Variants in DHX16 observed in about 807,000 individuals in gnomAD.
DHX16 encodes pre-mRNA-splicing factor ATP-dependent RNA helicase DHX16.
Under a neutral mutation model 131.2 loss-of-function variants are expected in DHX16, and 81 were observed. The observed-to-expected ratio is 0.62, with a 90% CI of 0.52 to 0.74. The LOEUF is 0.74. DHX16 is among the 30% of genes least tolerant of loss of function. The pLI is 0.00. For synonymous variants in DHX16, 440 were observed against 520.2 expected, an observed-to-expected ratio of 0.85 and a Z score of 2.10; for missense variants, 980 against 1,363.1, an observed-to-expected ratio of 0.72 and a Z score of 4.43.
In DHX16 at chr6:30,664,959, G is replaced by A; in HGVS notation, c.1159C>T (p.Gln387Ter). The change falls in exon 7 of 20, where the codon CAG (glutamine) becomes TAG (stop). Residue 387 changes from glutamine to a stop codon, truncating the protein, a stop_gained. Coordinates refer to ENST00000376442, the MANE Select transcript of DHX16 (RefSeq NM_003587.5). LOFTEE classifies it high-confidence loss of function. ...PSAPPTSTQA[Q>*]QKESIQAVRR... ...ACGGCCTGGATGGACTCTTTCTGCTGGGCCTGAGTTGAAGTGGGTGGAGCT... is the reference window on the plus strand; with the variant it reads ...ACGGCCTGGATGGACTCTTTCTGCTAGGCCTGAGTTGAAGTGGGTGGAGCT... 5 of 1,614,062 alleles carry A rather than the reference G, an allele frequency of 3.1e-6. No individual in the cohort carries two copies. Among genetic ancestry groups the A allele is most frequent in the East Asian group, 4.5e-5 (2 of 44,874 alleles).
chr6:30,660,797 G>C (rs574849248), intron 9 of DHX16, among the ~76,000 whole-genome samples: 1 of 151,856 alleles, frequency 6.6e-6, no homozygotes, highest in Non-Finnish European at 1.5e-5. Context: ...CAGGAGAATC[G>C]CTTGAACCTG....
intron 19 of DHX16, among the ~76,000 whole-genome samples, chr6:30,653,985 G>C (rs1561964009): frequency 1.3e-5 from 2 of 152,040 alleles, no homozygotes; most frequent in Admixed American, 6.6e-5. Flanking sequence ...TGGGCGTGGT[G>C]GTGGGCACCT....
intron 12 of DHX16, among the ~76,000 whole-genome samples, chr6:30,657,988 T>C (rs2127580815): frequency 6.6e-6 from 1 of 152,360 alleles, no homozygotes; most frequent in East Asian, 1.9e-4. Context: ...CTAAGGACTT[T>C]GTTTTGTTCA....
intron 9 of DHX16, among the ~76,000 whole-genome samples, chr6:30,661,087 C>T (rs1304702978): frequency 2.7e-5 from 4 of 147,880 alleles, no homozygotes; most frequent in Admixed American, 1.4e-4. Flanking sequence ...TTAGTAGAGA[C>T]GGAGTTTTGA....
In DHX16 at chr6:30,672,724, C is replaced by T. The variant is rs776913795; in HGVS notation, c.118G>A (p.Ala40Thr). ...LIGTAQRCTSAEEFVQRLRDT... is the reference protein window; with the variant it reads ...LIGTAQRCTSTEEFVQRLRDT... ...CGTAGGCGCTGCACGAACTCCTCGG[C>T]AGAGGTGCAGCGCTGTGCGGTACCG... The change falls in exon 1 of 20, where the codon GCC becomes ACC. Residue 40 changes from alanine (A) to threonine (T), a missense_variant. This residue lies in a region of DHX16 where 457 missense variants were observed against 554.8 expected (regional missense o/e 0.82). Transcript: ENST00000376442. 6.2e-7 allele frequency: 1 copy of T among 1,613,072 alleles called. No individual in the cohort carries two copies. Among genetic ancestry groups the T allele is most frequent in the Admixed American group, 1.7e-5 (1 of 60,018 alleles).
chr6:30,656,816 AG>A lies in DHX16; in HGVS notation c.2149-58del. The A allele has an allele frequency of 1.9e-6, 3 of 1,606,540 alleles. No individual in the cohort carries two copies. Among genetic ancestry groups the A allele is most frequent in the Non-Finnish European group, 2.5e-6 (3 of 1,177,800 alleles). On this transcript the variant is annotated intron_variant, in intron 13 of 19. Transcript: ENST00000376442. The surrounding 1 kb of genome is among the most constrained non-coding windows in gnomAD (Gnocchi z 5.1). ...ATTTGGTCAGGGAAAAGAAAAAGGC[AG>A]TATTTATGCAAGAAATCTGGAAGGA...
rs148698400 is a variant in DHX16 at position 30,670,815 on chromosome 6, T to C, written c.584A>G (p.Asn195Ser). ...VRQRDKDRTR[N>S]VLERSDKKAY... ...CTTCTTGTCTGACCGTTCCAGGACATTTCGAGTCCGATCCTTGTCCCGCTG... is the reference window on the plus strand; with the variant it reads ...CTTCTTGTCTGACCGTTCCAGGACACTTCGAGTCCGATCCTTGTCCCGCTG... The change falls in exon 3 of 20, where the codon AAT (asparagine) becomes AGT (serine). Residue 195 changes from asparagine (N) to serine (S), a missense_variant. By Grantham distance (46) the Asn-to-Ser change is conservative. Around this residue, in one of 3 missense-constraint regions of DHX16, gnomAD observed 457 missense variants for 554.8 expected, o/e 0.82. Coordinates refer to ENST00000376442, the MANE Select transcript of DHX16 (RefSeq NM_003587.5). This position sits in a 1 kb window ranked among gnomAD's most constrained non-coding sequence, Gnocchi z 4.4. The C allele has an allele frequency of 1.1e-5, 17 of 1,613,030 alleles. No homozygotes were observed. Among genetic ancestry groups the C allele is most frequent in the African/African-American group, 1.3e-5 (1 of 75,036 alleles).
intron 17 of DHX16, 48 bp from the exon 18 acceptor site, chr6:30,655,384 G>A (rs775790875): frequency 4.3e-6 from 7 of 1,613,678 alleles, no homozygotes; most frequent in Middle Eastern, 1.6e-4. Context: ...GTATACAGCA[G>A]GACTAAAGTC....
Position 30,662,696 on chromosome 6 carries a change from A to G in DHX16, c.1475T>C (p.Val492Ala), listed in dbSNP as rs1446309622. ...RFEDCTSERT[V>A]LRYMTDGMLL... ...CATCCCATCTGTCATGTAGCGGAGG[A>G]CAGTTCGCTCTGATGTGCAGTCCTC... Residue 492 changes from valine (V) to alanine (A), a missense_variant, in exon 9 of 20, where the codon GTC (valine) becomes GCC (alanine). By Grantham distance (64) the Val-to-Ala change is moderately conservative. Around this residue, in one of 3 missense-constraint regions of DHX16, gnomAD observed 309 missense variants for 537.1 expected, o/e 0.58. Coordinates refer to ENST00000376442, the MANE Select transcript of DHX16 (RefSeq NM_003587.5). The surrounding 1 kb of genome is among the most constrained non-coding windows in gnomAD (Gnocchi z 4.7). 2 of 1,613,118 alleles carry G rather than the reference A, an allele frequency of 1.2e-6. No individual in the cohort carries two copies. Among genetic ancestry groups the G allele is most frequent in the East Asian group, 4.5e-5 (2 of 44,896 alleles).
rs1224034225 is a variant in DHX16, at chr6:30,656,476, T to C, written c.2345A>G (p.Asp782Gly). 1.2e-6 allele frequency: 2 copies of C among 1,613,752 alleles called. No individual in the cohort carries two copies. The highest frequency in any genetic ancestry group is 1.7e-6 in the Non-Finnish European group (2 of 1,179,946). Residue 782 changes from aspartate (D) to glycine (G), a missense_variant, in exon 15 of 20, where the codon GAC (aspartate) becomes GGC (glycine). Transcript: ENST00000376442. This position sits in a 1 kb window ranked among gnomAD's most constrained non-coding sequence, Gnocchi z 5.1. Reference sequence around the variant, plus strand: ...CAGCAGTGTCTCATATGGTGGAGGGTCCAGGAAATCAAAGTGCATTAGGTC... The same window carrying C: ...CAGCAGTGTCTCATATGGTGGAGGGCCCAGGAAATCAAAGTGCATTAGGTC... The part of the protein sequence containing the change: ...IHDLMHFDFL[D>G]PPPYETLLLA...
rs749678313 is a variant in DHX16 at position 30,654,822 on chromosome 6, T to C, written c.2881A>G (p.Thr961Ala). The change falls in exon 19 of 20, where the codon ACA becomes GCA. Residue 961 changes from threonine (T) to alanine (A), a missense_variant. Physicochemically the swap from Thr to Ala is moderately conservative, Grantham distance 58 (BLOSUM62 0). Transcript: ENST00000376442. ...AAGACTGTCTGCTGCTGTTTCACTG[T>C]GCGGTAGCCACTCCGAGTCAACCGT... ...TARLTRSGYR[T>A]VKQQQTVFIH... 2 of 1,612,880 alleles carry C rather than the reference T, an allele frequency of 1.2e-6. No individual in the cohort carries two copies. Among genetic ancestry groups the C allele is most frequent in the Non-Finnish European group, 1.7e-6 (2 of 1,179,998 alleles).
rs376877884 is a variant in DHX16, at chr6:30,655,601, G to A, written c.2499-4C>T. 10 of 1,612,924 alleles carry A rather than the reference G, an allele frequency of 6.2e-6. No individual in the cohort carries two copies. Among genetic ancestry groups the A allele is most frequent in the South Asian group, 5.5e-5 (5 of 91,078 alleles). On this transcript the variant is annotated splice_region_variant and splice_polypyrimidine_tract_variant and intron_variant, in intron 16 of 19. Transcript: ENST00000376442. ...GATCTCCTCTGAACAGCTGTACCTG[G>A]GACAGGAAGGGGAAAGCATGAGTTC...
intron 9 of DHX16, chr6:30,660,539 G>C: frequency 5.7e-6 from 2 of 348,316 alleles, no homozygotes; most frequent in Non-Finnish European, 1.0e-5. Context: ...GTTCAGTCAA[G>C]AGTCTGCTTA....
chr6:30,665,431 C>T lies in DHX16; in HGVS notation c.921+48G>A, dbSNP rs1397817475. On this transcript the variant is annotated intron_variant, in intron 5 of 19. Coordinates refer to ENST00000376442, the MANE Select transcript of DHX16 (RefSeq NM_003587.5). The surrounding 1 kb of genome is among the most constrained non-coding windows in gnomAD (Gnocchi z 4.8). ...GCCCAATCCCCTGAAGCCTTCCCCACAACTTGTCTTGGGGACCAAGGCTGA... is the reference window on the plus strand; with the variant it reads ...GCCCAATCCCCTGAAGCCTTCCCCATAACTTGTCTTGGGGACCAAGGCTGA... 4 of 1,592,410 alleles carry T rather than the reference C, an allele frequency of 2.5e-6. No individual in the cohort carries two copies. The highest frequency in any genetic ancestry group is 2.7e-5 in the African/African-American group (2 of 74,334).
Position 30,665,157 on chromosome 6 carries a change from C to A in DHX16, c.1039G>T (p.Ala347Ser), listed in dbSNP as rs1768910532. ...ASLKFGARDA[A>S]SQEPKYQLVL... Reference sequence around the variant, plus strand: ...AGTTGATACTTGGGCTCCTGAGAGGCAGCATCTCGGGCCCCAAACTTCAGG... The same window carrying A: ...AGTTGATACTTGGGCTCCTGAGAGGAAGCATCTCGGGCCCCAAACTTCAGG... The change falls in exon 6 of 20, where the codon GCC (alanine) becomes TCC (serine). Residue 347 changes from alanine to serine, a missense_variant. Around this residue, in one of 3 missense-constraint regions of DHX16, gnomAD observed 457 missense variants for 554.8 expected, o/e 0.82. Transcript: ENST00000376442. The surrounding 1 kb of genome is among the most constrained non-coding windows in gnomAD (Gnocchi z 4.8). 1.9e-6 allele frequency: 3 copies of A among 1,613,624 alleles called. No homozygotes were observed. The highest frequency in any genetic ancestry group is 2.5e-6 in the Non-Finnish European group (3 of 1,179,952).
chr6:30,662,664 G>A lies in DHX16; in HGVS notation c.1507C>T (p.Arg503Trp), dbSNP rs762169796. Residue 503 changes from arginine to tryptophan, a missense_variant, in exon 9 of 20, where the codon CGG becomes TGG. Arg to Trp is a moderately radical substitution (Grantham distance 101, BLOSUM62 -3). Coordinates refer to ENST00000376442, the MANE Select transcript of DHX16 (RefSeq NM_003587.5). This position sits in a 1 kb window ranked among gnomAD's most constrained non-coding sequence, Gnocchi z 4.7. The part of the protein sequence containing the change: ...LRYMTDGMLL[R>W]EFLSEPDLAS... Reference sequence around the variant, plus strand: ...AGGTCAGGCTCAGAGAGGAACTCCCGGAGAAGCATCCCATCTGTCATGTAG... The same window carrying A: ...AGGTCAGGCTCAGAGAGGAACTCCCAGAGAAGCATCCCATCTGTCATGTAG... 1.9e-5 allele frequency: 30 copies of A among 1,612,992 alleles called. No individual in the cohort carries two copies. Among genetic ancestry groups the A allele is most frequent in the Non-Finnish European group, 2.3e-5 (27 of 1,180,042 alleles).
At position 30,661,687 on chromosome 6, in the gene DHX16, G is replaced by A; in HGVS notation, c.1544+940C>T. 5.7e-6 allele frequency: 4 copies of A among 705,252 alleles called. No individual in the cohort carries two copies. In the South Asian group the frequency reaches 6.0e-5, roughly 11 times the overall value. The allele number at this position is 705,252 out of a possible 1,614,324, so 43.7% of individuals were successfully genotyped here. On this transcript the variant is annotated intron_variant, in intron 9 of 19. Transcript: ENST00000376442. Reference sequence around the variant, plus strand: ...TGTTCTTTGGCTTTTCTGGGTGGCAGCCAAGTCCCAGGAACTCATCCCCAT... The same window carrying A: ...TGTTCTTTGGCTTTTCTGGGTGGCAACCAAGTCCCAGGAACTCATCCCCAT...
chr6:30,655,538 A>G lies in DHX16; in HGVS notation c.2558T>C (p.Ile853Thr), dbSNP rs779954614. The change falls in exon 17 of 20, where the codon ATC (isoleucine) becomes ACC (threonine). Residue 853 changes from isoleucine (I) to threonine (T), a missense_variant. This residue lies in a region of DHX16 where 214 missense variants were observed against 271.2 expected (regional missense o/e 0.79). Transcript: ENST00000376442. ...VAAMLSVNNS[I>T]FYRPKDKVVH... Reference sequence around the variant, plus strand: ...GACCTTGTCCTTTGGTCGGTAGAAGATGGAGTTGTTGACAGAGAGCATGGC... The same window carrying G: ...GACCTTGTCCTTTGGTCGGTAGAAGGTGGAGTTGTTGACAGAGAGCATGGC... The G allele has an allele frequency of 1.9e-6, 3 of 1,613,100 alleles. No homozygotes were observed. Among genetic ancestry groups the G allele is most frequent in the South Asian group, 2.2e-5 (2 of 91,088 alleles).
chr6:30,664,477 C>CAAA lies in DHX16; in HGVS notation c.1317+321_1317+323dup, dbSNP rs10627470. Among the ~76,000 whole-genome samples, 128 of 75,644 alleles carry CAAA rather than the reference C, an allele frequency of 1.7e-3. 3 individuals are homozygous for CAAA. In the East Asian group the frequency reaches 0.033, roughly 19 times the overall value. The allele number at this position is 75,644 out of a possible 152,430, so 49.6% of individuals were successfully genotyped here. ...GGGTGACAGAGCAAGACTCCGTCTC[C>CAAA]AAAAAAAAAAAAAAAAAACTAACAA... On this transcript the variant is annotated intron_variant, in intron 7 of 19. Transcript: ENST00000376442.
Sources: allele counts gnomAD v4.1 joint callset (sites outside exome capture counted in the v4.1 genomes callset), GRCh38; gene constraint gnomAD v4.1.1; regional missense constraint gnomAD v4.1.1; non-coding constraint Gnocchi (gnomAD v3.1); transcripts MANE v1.5; gene names NCBI Gene and HGNC (gene_info 2026-07-23, HGNC 2026-07-21).